Variants in CDH18 observed in about 807,000 individuals in gnomAD.
CDH18 encodes the protein cadherin 18.
A neutral mutation model predicts 67.9 loss-of-function variants in CDH18; 31 were observed. That is an observed-to-expected ratio of 0.46 (90% confidence interval 0.34 to 0.62). CDH18 has a LOEUF of 0.62. Ranked by LOEUF, CDH18 falls within the 20% of genes least tolerant of loss-of-function variation. CDH18 has a pLI of 0.01. For synonymous variants in CDH18, 362 were observed against 347.2 expected, an observed-to-expected ratio of 1.04 and a Z score of -0.48; for missense variants, 890 against 975.5, an observed-to-expected ratio of 0.91 and a Z score of 1.17.
In CDH18 at chr5:20,290,318, C is replaced by T. The variant is rs116420735; in HGVS notation, c.-579-34813G>A. On this transcript the variant is annotated intron_variant, in intron 1 of 14. Coordinates refer to the CDH18 transcript ENST00000507958. ...CACACACAGCTAGCATCAAAACAGG[C>T]ATGCTTCTTATGCAGTAGAATGAGT... Among the ~76,000 whole-genome samples, 158 of 152,216 alleles carry T rather than the reference C, an allele frequency of 1.0e-3. 1 individual carries two copies. Among genetic ancestry groups the T allele is most frequent in the African/African-American group, 3.6e-3 (150 of 41,550 alleles).
At chr5:20,114,084 T>C (rs1747696500) in intron 2 of CDH18, among the ~76,000 whole-genome samples, 2 of 152,250 alleles carry the variant, frequency 1.3e-5, no homozygotes, top group Admixed American at 1.3e-4. Context: ...GTGATGTATA[T>C]GTCTATAAGC....
chr5:20,163,581 T>C (rs1337945137), intron 2 of CDH18, among the ~76,000 whole-genome samples: 1 of 152,204 alleles, frequency 6.6e-6, no homozygotes, highest in Non-Finnish European at 1.5e-5. Context: ...GACTTAATTA[T>C]GACAGTTCAA....
intron 8 of CDH18, among the ~76,000 whole-genome samples, chr5:19,565,990 C>T (rs1036847299): frequency 2.4e-4 from 36 of 151,266 alleles, no homozygotes; most frequent in African/African-American, 6.3e-4. Flanking sequence ...GATTAATAAC[C>T]GGAATATAAT....
intron 5 of CDH18, among the ~76,000 whole-genome samples, chr5:19,686,314 A>T (rs1167302294): frequency 6.6e-6 from 1 of 152,202 alleles, no homozygotes; most frequent in African/African-American, 2.4e-5. Context: ...TAAATGATTT[A>T]AAAATTCACC....
chr5:20,097,571 T>A (rs569472854), intron 2 of CDH18, among the ~76,000 whole-genome samples: 125 of 152,248 alleles, frequency 8.2e-4, no homozygotes, highest in African/African-American at 2.9e-3. Flanking sequence ...GGTGGAGATA[T>A]AGCCAAACCA....
At chr5:19,569,228 T>C (rs1440607386) in intron 8 of CDH18, among the ~76,000 whole-genome samples, 1 of 152,212 alleles carries the variant, frequency 6.6e-6, no homozygotes, top group Non-Finnish European at 1.5e-5. Flanking sequence ...ATCTCATTAC[T>C]TGCTATTCCC....
intron 2 of CDH18, among the ~76,000 whole-genome samples, chr5:20,245,589 C>T (rs1031683649): frequency 1.3e-5 from 2 of 152,018 alleles, no homozygotes; most frequent in African/African-American, 4.8e-5. Context: ...TCAAAGAGAT[C>T]ACTAACCTAA....
intron 2 of CDH18, among the ~76,000 whole-genome samples, chr5:20,136,342 T>C (rs1315341971): frequency 2.0e-5 from 3 of 152,204 alleles, no homozygotes; most frequent in Non-Finnish European, 4.4e-5. Flanking sequence ...TTTACCATTA[T>C]GTAATGGCCT....
chr5:20,297,631 C>T (rs552314537), intron 1 of CDH18, among the ~76,000 whole-genome samples: 2 of 152,302 alleles, frequency 1.3e-5, no homozygotes, highest in South Asian at 2.1e-4. Context: ...GCTAAATATA[C>T]AATTTGTCGA....
At chr5:20,146,578 T>A (rs561015875) in intron 2 of CDH18, among the ~76,000 whole-genome samples, 2 of 151,138 alleles carry the variant, frequency 1.3e-5, no homozygotes, top group East Asian at 3.9e-4. Context: ...CAGTGCTTTA[T>A]AGTGTATGGC....
At chr5:19,986,282 G>C (rs1799550345) in intron 1 of CDH18, among the ~76,000 whole-genome samples, 2 of 152,146 alleles carry the variant, frequency 1.3e-5, no homozygotes, top group Non-Finnish European at 2.9e-5. Flanking sequence ...ACTTGTGACT[G>C]CTATAGCTAA....
intron 5 of CDH18, among the ~76,000 whole-genome samples, chr5:19,715,815 CTTT>C (rs35593653): frequency 6.7e-5 from 8 of 119,348 alleles, no homozygotes; most frequent in Non-Finnish European, 9.1e-5. Flanking sequence ...TTGTCGATCT[CTTT>C]TTTTTTTTTT....
intron 5 of CDH18, among the ~76,000 whole-genome samples, chr5:19,662,333 T>C (rs989705946): frequency 4.6e-5 from 7 of 152,010 alleles, no homozygotes; most frequent in African/African-American, 9.7e-5. Flanking sequence ...GGGGTGCTGA[T>C]GAAATGCACG....
intron 5 of CDH18, among the ~76,000 whole-genome samples, chr5:19,684,333 A>G (rs971209868): frequency 6.6e-6 from 1 of 151,646 alleles, no homozygotes; most frequent in African/African-American, 2.4e-5. Flanking sequence ...CCAAATATAT[A>G]TGAATTAAAA....
At chr5:19,592,249 T>G (rs774841238) in intron 6 of CDH18, among the ~76,000 whole-genome samples, 2 of 152,018 alleles carry the variant, frequency 1.3e-5, no homozygotes, top group African/African-American at 2.4e-5. Flanking sequence ...ACTGTTAATT[T>G]TATACTCTCA....
At chr5:19,846,280 ACT>A (rs1782938171) in intron 2 of CDH18, among the ~76,000 whole-genome samples, 1 of 151,966 alleles carries the variant, frequency 6.6e-6, no homozygotes, top group Admixed American at 6.6e-5. Flanking sequence ...AAATATAAAA[ACT>A]CTACACTTTT....
intron 2 of CDH18, among the ~76,000 whole-genome samples, chr5:20,055,756 AT>A (rs1741843004): frequency 6.6e-6 from 1 of 152,080 alleles, no homozygotes; most frequent in Non-Finnish European, 1.5e-5. Context: ...AGCATAGAGG[AT>A]TTTTTTGAAG....
intron 8 of CDH18, among the ~76,000 whole-genome samples, chr5:19,549,015 G>A (rs188728448): frequency 5.9e-5 from 9 of 152,228 alleles, no homozygotes; most frequent in Non-Finnish European, 1.2e-4. Context: ...CTCCCAAAGT[G>A]CTGGGATAGG....
At chr5:20,453,318 G>A (rs1750602056) in intron 1 of CDH18, among the ~76,000 whole-genome samples, 1 of 152,118 alleles carries the variant, frequency 6.6e-6, no homozygotes, top group South Asian at 2.1e-4. Context: ...GATGTAATAT[G>A]AGCATTTTAA....
Sources: gnomAD v4.1 joint callset for allele counts (sites outside exome capture counted in the v4.1 genomes callset) on GRCh38, gnomAD v4.1.1 for gene constraint, MANE v1.5 for transcripts, NCBI Gene and HGNC (gene_info 2026-07-23, HGNC 2026-07-21) for gene names.